Variants in SFXN4 observed in about 807,000 individuals in gnomAD.
The protein encoded by SFXN4 is sideroflexin 4.
In SFXN4, 48 loss-of-function variants were observed where a neutral mutation model predicts 54.6. The observed-to-expected ratio is 0.88, with a 90% CI of 0.70 to 1.12. The LOEUF (loss-of-function observed/expected upper bound fraction) is 1.12. SFXN4 is among the 50% of genes most tolerant of loss of function. SFXN4 has a pLI of 0.00. For synonymous variants in SFXN4, 130 were observed against 145.5 expected, an observed-to-expected ratio of 0.89 and a Z score of 0.77; for missense variants, 383 against 409.2, an observed-to-expected ratio of 0.94 and a Z score of 0.55.
chr10:119,150,320 G>A (rs1847010498), intron 11 of SFXN4, among the ~76,000 whole-genome samples: 1 of 152,068 alleles, frequency 6.6e-6, no homozygotes, highest in Non-Finnish European at 1.5e-5. Flanking sequence ...ACTGATCAGG[G>A]TGTGGGTCTC....
chr10:119,142,608 T>A (rs560737777), intron 13 of SFXN4, among the ~76,000 whole-genome samples: 83 of 147,702 alleles, frequency 5.6e-4, no homozygotes, highest in Middle Eastern at 3.7e-3. Context: ...TGGAGTGCAG[T>A]GGCGCGACCT....
intron 11 of SFXN4, among the ~76,000 whole-genome samples, chr10:119,153,263 G>A (rs1304392950): frequency 6.6e-6 from 1 of 151,902 alleles, no homozygotes. Context: ...GCACAAGCAT[G>A]AGCCAGGCAT....
intron 2 of SFXN4, among the ~76,000 whole-genome samples, chr10:119,163,914 C>T (rs1446940963): frequency 1.3e-5 from 2 of 151,912 alleles, no homozygotes. Context: ...GTGGCGCATG[C>T]CTGCAATCCC....
rs1165752931 is a variant in SFXN4 at position 119,162,223 on chromosome 10, A to G, written c.252+117T>C. 8.8e-6 allele frequency: 7 copies of G among 793,950 alleles called. No homozygotes were observed. In the Admixed American group the frequency reaches 1.7e-4, roughly 20 times the overall value. The allele number at this position is 793,950 out of a possible 1,614,324, so 49.2% of individuals were successfully genotyped here. On this transcript the variant is annotated intron_variant, in intron 3 of 13. Transcript: ENST00000355697. ...TAGAACAGTGGCTCCCAAGGGAAGGAAAAAAGAAAGAAAAGAGACGGAGAC... is the reference window on the plus strand; with the variant it reads ...TAGAACAGTGGCTCCCAAGGGAAGGGAAAAAGAAAGAAAAGAGACGGAGAC...
intron 3 of SFXN4, chr10:119,162,063 C>T (rs934553902): frequency 4.4e-6 from 2 of 450,000 alleles, no homozygotes; most frequent in African/African-American, 4.1e-5. Context: ...GGAATCCCCA[C>T]AAATATCCAC....
intron 3 of SFXN4, chr10:119,162,107 G>C: frequency 1.9e-6 from 1 of 538,052 alleles, no homozygotes; most frequent in Non-Finnish European, 3.3e-6. Flanking sequence ...TGGTTTATGG[G>C]ACAGAATTCT....
intron 13 of SFXN4, among the ~76,000 whole-genome samples, chr10:119,141,833 A>G (rs1846537080): frequency 6.6e-6 from 1 of 152,122 alleles, no homozygotes; most frequent in Admixed American, 6.6e-5. Context: ...GGAGTTCAAG[A>G]CTAGCCCGGC....
At chr10:119,155,681 C>T (rs1589639310) in intron 10 of SFXN4, among the ~76,000 whole-genome samples, 2 of 152,014 alleles carry the variant, frequency 1.3e-5, no homozygotes, top group African/African-American at 2.4e-5. Flanking sequence ...TTAGTAGAGA[C>T]GGGGTTTCAT....
rs1216495052 is a variant in SFXN4 at position 119,146,458 on chromosome 10, T to TGC, written c.819-106_819-105insGC. On this transcript the variant is annotated intron_variant, in intron 12 of 13. Coordinates refer to ENST00000355697, the MANE Select transcript of SFXN4 (RefSeq NM_213649.2). The stretch of plus-strand genomic sequence containing the variant: ...GTGTGTGTGTGTGTGTGTGTGTGTG[T>TGC]GTGCACGTGTGTGTGTACCTGAACA... 40 of 528,882 alleles carry TGC rather than the reference T, an allele frequency of 7.6e-5. No individual in the cohort carries two copies. In the Middle Eastern group the frequency reaches 8.4e-4, roughly 11 times the overall value. 32.8% of individuals were successfully genotyped at this position (528,882 alleles called of 1,614,324 possible).
intron 11 of SFXN4, among the ~76,000 whole-genome samples, chr10:119,151,369 AAAAC>A (rs1206608360): frequency 4.5e-4 from 63 of 140,306 alleles, no homozygotes; most frequent in African/African-American, 1.6e-3. Context: ...ACTCTGACTC[AAAAC>A]AAACAAACAA....
intron 6 of SFXN4, among the ~76,000 whole-genome samples, chr10:119,158,391 T>A (rs546965122): frequency 6.6e-6 from 1 of 151,976 alleles, no homozygotes; most frequent in African/African-American, 2.4e-5. Context: ...GAGGCTGAGG[T>A]GGGAGGATCA....
intron 11 of SFXN4, among the ~76,000 whole-genome samples, chr10:119,151,463 G>A (rs1411998628): frequency 6.6e-6 from 1 of 151,918 alleles, no homozygotes; most frequent in African/African-American, 2.4e-5. Flanking sequence ...TTAGGATGAT[G>A]AAAATGTTCT....
chr10:119,143,016 G>A (rs1379153104), intron 13 of SFXN4, among the ~76,000 whole-genome samples: 1 of 152,034 alleles, frequency 6.6e-6, no homozygotes, highest in Non-Finnish European at 1.5e-5. Context: ...ACAGGCATGA[G>A]CCACCACGCC....
At chr10:119,149,076 G>A (rs561333190) in intron 11 of SFXN4, among the ~76,000 whole-genome samples, 4 of 152,058 alleles carry the variant, frequency 2.6e-5, no homozygotes, top group African/African-American at 4.8e-5. Context: ...TTGTAGAGAT[G>A]TGATCTCACT....
chr10:119,159,647 A>T (rs902625912), intron 6 of SFXN4, 81 bp downstream of exon 6: 2 of 1,440,908 alleles, frequency 1.4e-6, no homozygotes, highest in East Asian at 4.5e-5. Flanking sequence ...CCGGAGCTGG[A>T]GGGACACAGC....
intron 11 of SFXN4, among the ~76,000 whole-genome samples, chr10:119,150,311 C>T (rs1847009812): frequency 6.6e-6 from 1 of 152,096 alleles, no homozygotes; most frequent in Admixed American, 6.6e-5. Flanking sequence ...GGGGCTCTCA[C>T]TGATCAGGGT....
At chr10:119,146,426 G>GGCGTGT in intron 12 of SFXN4, 73 bp from the exon 13 acceptor site, 1 of 700,502 alleles carries the variant, frequency 1.4e-6, no homozygotes, top group Non-Finnish European at 2.4e-6. Context: ...GCTGAATCAG[G>GGCGTGT]GCGTGTGTGT....
At chr10:119,148,360 T>G (rs1846909234) in intron 11 of SFXN4, among the ~76,000 whole-genome samples, 1 of 152,054 alleles carries the variant, frequency 6.6e-6, no homozygotes, top group Non-Finnish European at 1.5e-5. Flanking sequence ...GTGCCAGAAA[T>G]AGCTGGCACC....
At chr10:119,148,948 G>T (rs182587021) in intron 11 of SFXN4, among the ~76,000 whole-genome samples, 1 of 152,040 alleles carries the variant, frequency 6.6e-6, no homozygotes, top group Non-Finnish European at 1.5e-5. Context: ...GTACAGTAGC[G>T]TGATCACGGC....
Sources: allele counts gnomAD v4.1 joint callset (sites outside exome capture counted in the v4.1 genomes callset), GRCh38; gene constraint gnomAD v4.1.1; transcripts MANE v1.5; gene names NCBI Gene and HGNC (gene_info 2026-07-23, HGNC 2026-07-21).